Variants in FUT8 observed in about 807,000 individuals in gnomAD.
FUT8 encodes alpha-(1,6)-fucosyltransferase.
Under a neutral mutation model 71.3 loss-of-function variants are expected in FUT8, and 29 were observed. The observed-to-expected ratio is 0.41, with a 90% CI of 0.30 to 0.55. The LOEUF is 0.55. Ranked by LOEUF, FUT8 falls within the 20% of genes least tolerant of loss-of-function variation. The probability of loss-of-function intolerance (pLI) is 0.34; values close to 1 mark genes in which losing one functional copy is unlikely to be tolerated. For missense variants in FUT8, 544 were observed against 702.1 expected (o/e 0.77, Z 2.55); for synonymous variants, 254 against 239.3 (o/e 1.06, Z -0.57).
chr14:65,677,151 T>TGTGTGTGTGTGTGCGCGC, intron 7 of FUT8, among the ~76,000 whole-genome samples: 1,228 of 110,610 alleles, frequency 0.011, 22 homozygotes, highest in Non-Finnish European at 0.018. Flanking sequence ...TGTGTGTGTG[T>TGTGTGTGTGTGTGCGCGC]GCGCGCGCGC....
At position 65,712,853 on chromosome 14, in the gene FUT8, C is replaced by G. The variant is rs953956347; in HGVS notation, c.836-8922C>G. On this transcript the variant is annotated intron_variant, in intron 7 of 10. Transcript: ENST00000673929. ...ATACAGGCATACAATGCATAATAAT[C>G]ACATCAGGGTAAATGGGGTATCCAT... 2.6e-5 allele frequency among the ~76,000 whole-genome samples: 4 copies of G among 152,110 alleles called. No individual in the cohort carries two copies. In the South Asian group the frequency reaches 8.3e-4, roughly 32 times the overall value.
chr14:65,635,777 A>G (rs931027134), intron 6 of FUT8, among the ~76,000 whole-genome samples: 1 of 152,100 alleles, frequency 6.6e-6, no homozygotes, highest in Admixed American at 6.5e-5. Context: ...TTCATCAGAG[A>G]TACTGGTCTG....
intron 3 of FUT8, among the ~76,000 whole-genome samples, chr14:65,608,101 C>CA (rs1221404465): frequency 6.8e-6 from 1 of 147,512 alleles, no homozygotes. Context: ...TCTAAAGTTT[C>CA]AAAAAATTCA....
intron 1 of FUT8, among the ~76,000 whole-genome samples, chr14:65,414,042 C>T (rs1007267087): frequency 1.3e-5 from 2 of 152,090 alleles, no homozygotes; most frequent in Non-Finnish European, 2.9e-5. Context: ...GTTAAAGGCA[C>T]GGACAGGTGG....
intron 7 of FUT8, among the ~76,000 whole-genome samples, chr14:65,718,910 G>A (rs1895263872): frequency 6.6e-6 from 1 of 151,968 alleles, no homozygotes; most frequent in Admixed American, 6.6e-5. Flanking sequence ...CTTGACCTTT[G>A]GAAGTTTGGT....
chr14:65,681,558 T>C (rs1218457066), intron 7 of FUT8, among the ~76,000 whole-genome samples: 1 of 152,190 alleles, frequency 6.6e-6, no homozygotes, highest in African/African-American at 2.4e-5. Context: ...CCAGTAAAAC[T>C]GAAAATAACT....
intron 6 of FUT8, among the ~76,000 whole-genome samples, chr14:65,633,779 C>T (rs1443415336): frequency 6.6e-6 from 1 of 152,112 alleles, no homozygotes; most frequent in East Asian, 1.9e-4. Context: ...AGCCCCTCCG[C>T]CCGGCAGCCA....
chr14:65,529,653 G>T (rs1192649239), intron 2 of FUT8: 1 of 152,792 alleles, frequency 6.5e-6, no homozygotes, highest in East Asian at 1.9e-4. Flanking sequence ...ATTTTGAGGG[G>T]TGTGCATGAA....
the FUT8 span, among the ~76,000 whole-genome samples, chr14:65,393,557 G>C: frequency 6.6e-6 from 1 of 152,298 alleles, no homozygotes; most frequent in Middle Eastern, 3.4e-3. Context: ...GAGGATTTTG[G>C]AGACCATGTT....
At chr14:65,692,871 G>T in intron 7 of FUT8, among the ~76,000 whole-genome samples, 1 of 151,384 alleles carries the variant, frequency 6.6e-6, no homozygotes, top group Non-Finnish European at 1.5e-5. Context: ...CCCAGACGGG[G>T]TGGCGGGGCA....
chr14:65,405,392 C>T, the FUT8 span, among the ~76,000 whole-genome samples: 1 of 152,108 alleles, frequency 6.6e-6, no homozygotes, highest in Non-Finnish European at 1.5e-5. Flanking sequence ...GAAGTGTCTT[C>T]TACTGGGAGC....
At chr14:65,716,738 G>T (rs998628909) in intron 7 of FUT8, among the ~76,000 whole-genome samples, 1 of 152,066 alleles carries the variant, frequency 6.6e-6, no homozygotes, top group Admixed American at 6.5e-5. Context: ...CTCGATGGTC[G>T]CTGTCTCTTT....
At chr14:65,510,837 C>T (rs1039688097) in intron 2 of FUT8, among the ~76,000 whole-genome samples, 1 of 151,822 alleles carries the variant, frequency 6.6e-6, no homozygotes, top group Non-Finnish European at 1.5e-5. Context: ...AAGGTTTGTC[C>T]GTTTTAACTT....
rs1455361316 is a variant in FUT8 at position 65,483,450 on chromosome 14, T to A, written c.-228+27732T>A. 6.6e-6 allele frequency among the ~76,000 whole-genome samples: 1 copy of A among 152,232 alleles called. No homozygotes were observed. The highest frequency in any genetic ancestry group is 1.5e-5 in the Non-Finnish European group (1 of 68,040). ...GTGTGGCTTTTCTCTCCGGAATGGC[T>A]TTACATTTCCATATGAATTTAAGAA... On this transcript the variant is annotated intron_variant, in intron 2 of 10. Coordinates refer to ENST00000673929, the MANE Select transcript of FUT8 (RefSeq NM_001371533.1). The surrounding 1 kb of genome is among the most constrained non-coding windows in gnomAD (Gnocchi z 4.4).
chr14:65,530,838 T>TCC (rs1168402269), intron 2 of FUT8, among the ~76,000 whole-genome samples: 1 of 149,586 alleles, frequency 6.7e-6, no homozygotes, highest in Non-Finnish European at 1.5e-5. Context: ...TCTCCCTCCC[T>TCC]CCCCCTCTCT....
At chr14:65,492,288 A>AT (rs2066492989) in intron 2 of FUT8, among the ~76,000 whole-genome samples, 1 of 152,190 alleles carries the variant, frequency 6.6e-6, no homozygotes, top group Non-Finnish European at 1.5e-5. Context: ...AGTTTAGCCT[A>AT]AAGGTTTTTG....
At chr14:65,685,983 ACCTGACCT>A (rs1397228931) in intron 7 of FUT8, among the ~76,000 whole-genome samples, 1 of 152,104 alleles carries the variant, frequency 6.6e-6, no homozygotes, top group Non-Finnish European at 1.5e-5. Context: ...GATTTAGAAT[ACCTGACCT>A]CCTGGGAATG....
chr14:65,699,143 TCTACA>T (rs1234573636), intron 7 of FUT8, among the ~76,000 whole-genome samples: 9 of 102,118 alleles, frequency 8.8e-5, no homozygotes, highest in Non-Finnish European at 1.6e-4. Flanking sequence ...CTCCCTCCCT[TCTACA>T]CACACACACA....
intron 6 of FUT8, among the ~76,000 whole-genome samples, chr14:65,649,601 A>G (rs762143370): frequency 1.9e-4 from 29 of 152,230 alleles, no homozygotes; most frequent in Non-Finnish European, 3.8e-4. Flanking sequence ...GCTGAACTCT[A>G]AGGAAAAGCT....
Sources: allele counts gnomAD v4.1 joint callset (sites outside exome capture counted in the v4.1 genomes callset), GRCh38; gene constraint gnomAD v4.1.1; non-coding constraint Gnocchi (gnomAD v3.1); transcripts MANE v1.5; gene names NCBI Gene and HGNC (gene_info 2026-07-23, HGNC 2026-07-21).